Variants in SGCZ observed in about 807,000 individuals in gnomAD.
SGCZ encodes the protein sarcoglycan zeta.
A neutral mutation model predicts 41.3 loss-of-function variants in SGCZ; 40 were observed. That is an observed-to-expected ratio of 0.97 (90% CI 0.75 to 1.26). The LOEUF (loss-of-function observed/expected upper bound fraction) is 1.26. Ranked by LOEUF, SGCZ falls within the 50% of genes most tolerant of loss-of-function variation. The pLI, the probability that SGCZ is intolerant of heterozygous loss-of-function variation, is 0.00. For missense variants in SGCZ, 552 were observed against 369.8 expected (o/e 1.49, Z -4.04); for synonymous variants, 206 against 137.5 (o/e 1.50, Z -3.49).
intron 3 of SGCZ, among the ~76,000 whole-genome samples, chr8:14,317,859 G>C (rs1237110725): frequency 1.3e-5 from 2 of 151,632 alleles, no homozygotes; most frequent in Non-Finnish European, 2.9e-5. Flanking sequence ...CTTCCCAACA[G>C]AAATTTTTAT....
At position 14,881,742 on chromosome 8, in the gene SGCZ, C is replaced by G. The variant is rs568349879; in HGVS notation, c.40-326816G>C. 7.2e-5 allele frequency among the ~76,000 whole-genome samples: 11 copies of G among 152,314 alleles called. No homozygotes were observed. In the South Asian group the frequency reaches 2.3e-3, roughly 32 times the overall value. On this transcript the variant is annotated intron_variant, in intron 1 of 7. Coordinates refer to ENST00000382080, the MANE Select transcript of SGCZ (RefSeq NM_139167.4). The stretch of plus-strand genomic sequence containing the variant: ...CAGATCAAGTGTACCTGATAGGTAT[C>G]AACAGAATTCTCCATCCAAAAATAA...
intron 4 of SGCZ, among the ~76,000 whole-genome samples, chr8:14,195,643 A>C (rs191709613): frequency 9.3e-4 from 142 of 152,328 alleles, no homozygotes; most frequent in African/African-American, 3.3e-3. Flanking sequence ...TCAAAATTTT[A>C]ACAGCAGTCA....
At chr8:14,911,054 C>T (rs566359673) in intron 1 of SGCZ, among the ~76,000 whole-genome samples, 1 of 152,152 alleles carries the variant, frequency 6.6e-6, no homozygotes, top group African/African-American at 2.4e-5. Flanking sequence ...AGGGATGCTT[C>T]TGCATATGTG....
At chr8:15,130,787 C>G (rs577101872) in intron 1 of SGCZ, among the ~76,000 whole-genome samples, 3 of 152,198 alleles carry the variant, frequency 2.0e-5, no homozygotes, top group African/African-American at 7.2e-5. Context: ...GATTATATGC[C>G]TATGTTTTCT....
intron 2 of SGCZ, among the ~76,000 whole-genome samples, chr8:14,423,498 C>G (rs1485519866): frequency 6.6e-6 from 1 of 152,058 alleles, no homozygotes; most frequent in Non-Finnish European, 1.5e-5. Context: ...CTCACCGCAA[C>G]CTCCGCCTCC....
At chr8:14,168,266 G>T (rs6989768) in intron 4 of SGCZ, among the ~76,000 whole-genome samples, 1 of 151,882 alleles carries the variant, frequency 6.6e-6, no homozygotes, top group African/African-American at 2.4e-5. Flanking sequence ...GGCCAAATCA[G>T]TCAACCAACC....
intron 5 of SGCZ, among the ~76,000 whole-genome samples, chr8:14,119,236 C>T (rs1324418957): frequency 1.3e-5 from 2 of 151,918 alleles, no homozygotes; most frequent in Admixed American, 6.6e-5. Context: ...CTCTTATTTC[C>T]TTGAGCAGTG....
chr8:14,539,266 T>C (rs1803386372), intron 2 of SGCZ, among the ~76,000 whole-genome samples: 1 of 152,014 alleles, frequency 6.6e-6, no homozygotes, highest in Non-Finnish European at 1.5e-5. Context: ...CAAAACCATG[T>C]GAACCAATTC....
intron 2 of SGCZ, among the ~76,000 whole-genome samples, chr8:14,403,272 A>G: frequency 6.7e-6 from 1 of 150,174 alleles, no homozygotes; most frequent in African/African-American, 2.5e-5. Flanking sequence ...CTAATTGAAT[A>G]CCCTTTATTT....
chr8:14,213,681 A>T (rs1302456159), intron 4 of SGCZ, among the ~76,000 whole-genome samples: 1 of 152,136 alleles, frequency 6.6e-6, no homozygotes, highest in Non-Finnish European at 1.5e-5. Context: ...AACCTTTTAA[A>T]TCATATCTGT....
chr8:14,676,311 C>T (rs1808275960), intron 1 of SGCZ, among the ~76,000 whole-genome samples: 1 of 142,870 alleles, frequency 7.0e-6, no homozygotes, highest in Admixed American at 7.7e-5. Flanking sequence ...GCCTGAACAG[C>T]ATAGAGAGAT....
At chr8:14,334,033 G>T (rs1802426555) in intron 2 of SGCZ, among the ~76,000 whole-genome samples, 1 of 151,972 alleles carries the variant, frequency 6.6e-6, no homozygotes, top group African/African-American at 2.4e-5. Context: ...AATGAGCCAG[G>T]GAGGTAATCC....
chr8:14,914,010 T>G (rs1799354540), intron 1 of SGCZ, among the ~76,000 whole-genome samples: 1 of 151,952 alleles, frequency 6.6e-6, no homozygotes, highest in Admixed American at 6.6e-5. Context: ...ACACACAAAA[T>G]TCACATTCTT....
chr8:14,698,748 A>T (rs1376545779), intron 1 of SGCZ, among the ~76,000 whole-genome samples: 1 of 151,964 alleles, frequency 6.6e-6, no homozygotes, highest in Non-Finnish European at 1.5e-5. Flanking sequence ...AGACTAAGCC[A>T]GTAGACACTA....
chr8:14,301,063 C>CATCATT (rs372940361), intron 3 of SGCZ, among the ~76,000 whole-genome samples: 5,310 of 132,418 alleles, frequency 0.04, 311 homozygotes, highest in African/African-American at 0.14. Flanking sequence ...ACAAGAAAAT[C>CATCATT]ATCATCATCA....
At chr8:14,834,471 A>G (rs1456470619) in intron 1 of SGCZ, among the ~76,000 whole-genome samples, 3 of 152,300 alleles carry the variant, frequency 2.0e-5, no homozygotes, top group Admixed American at 2.0e-4. Flanking sequence ...TCCCTCCTTA[A>G]CATAGTTGCT....
chr8:14,717,783 G>T (rs1396858927), intron 1 of SGCZ, among the ~76,000 whole-genome samples: 1 of 151,910 alleles, frequency 6.6e-6, no homozygotes, highest in East Asian at 1.9e-4. Context: ...AACTGTGTGT[G>T]AAAAAGGGAT....
intron 1 of SGCZ, among the ~76,000 whole-genome samples, chr8:14,620,237 T>C (rs1251816773): frequency 1.3e-5 from 2 of 152,154 alleles, no homozygotes; most frequent in South Asian, 2.1e-4. Flanking sequence ...GCTAGCCATA[T>C]GTAGAAAGCT....
chr8:14,995,305 G>C (rs1802176892), intron 1 of SGCZ, among the ~76,000 whole-genome samples: 1 of 152,214 alleles, frequency 6.6e-6, no homozygotes, highest in Non-Finnish European at 1.5e-5. Context: ...AAGAAGTGTG[G>C]GGATGATGAC....
Sources: gnomAD v4.1 joint callset for allele counts (sites outside exome capture counted in the v4.1 genomes callset) on GRCh38, gnomAD v4.1.1 for gene constraint, MANE v1.5 for transcripts, NCBI Gene and HGNC (gene_info 2026-07-23, HGNC 2026-07-21) for gene names.